The following BFAR variants were observed in gnomAD, a reference collection of about 807,000 sequenced individuals.
The protein encoded by BFAR is bifunctional apoptosis regulator.
A neutral mutation model predicts 54.4 loss-of-function variants in BFAR; 52 were observed. The observed-to-expected ratio is 0.96, with a 90% CI of 0.77 to 1.21. The LOEUF is 1.21. Ranked by LOEUF, BFAR falls within the 50% of genes most tolerant of loss-of-function variation. The probability of loss-of-function intolerance (pLI) is 0.00; values close to 1 mark genes in which losing one functional copy is unlikely to be tolerated. For synonymous variants in BFAR, 215 were observed against 204.3 expected (o/e 1.05, Z -0.45); for missense variants, 571 against 534.0 (o/e 1.07, Z -0.68).
chr16:14,645,903 C>G (rs1959779884), intron 2 of BFAR, among the ~76,000 whole-genome samples: 1 of 152,134 alleles, frequency 6.6e-6, no homozygotes, highest in Non-Finnish European at 1.5e-5. Context: ...AAGTCTCACT[C>G]TGTCGCTCAG....
chr16:14,642,100 C>A (rs1362797943), intron 1 of BFAR, among the ~76,000 whole-genome samples: 1 of 152,188 alleles, frequency 6.6e-6, no homozygotes, highest in East Asian at 1.9e-4. Context: ...GTGTTCCTAA[C>A]CACTGTGCCT....
At position 14,652,904 on chromosome 16, in the gene BFAR, C is replaced by A. The variant is rs572084266; in HGVS notation, c.639-2162C>A. ...TTCAGACACCCACTTCACCCACTGCCTGGCTGCCTGACTGCCACCCCTCCT... is the reference window on the plus strand; with the variant it reads ...TTCAGACACCCACTTCACCCACTGCATGGCTGCCTGACTGCCACCCCTCCT... On this transcript the variant is annotated intron_variant, in intron 4 of 7. Coordinates refer to ENST00000261658, the MANE Select transcript of BFAR (RefSeq NM_016561.3). Among the ~76,000 whole-genome samples the A allele has an allele frequency of 2.5e-4, 38 of 152,288 alleles. 1 individual carries two copies. The South Asian group carries it at 6.0e-3, about 24-fold the overall frequency.
At chr16:14,643,252 G>A (rs145431025) in intron 1 of BFAR, among the ~76,000 whole-genome samples, 31 of 152,048 alleles carry the variant, frequency 2.0e-4, no homozygotes, top group Admixed American at 7.2e-4. Flanking sequence ...AGAGGTTGAC[G>A]TGAGCCAAGA....
chr16:14,665,915 A>C (rs575941710), intron 7 of BFAR, among the ~76,000 whole-genome samples: 23 of 152,258 alleles, frequency 1.5e-4, no homozygotes, highest in South Asian at 6.2e-4. Context: ...TCTGTAACCA[A>C]CTAGGATAAT....
At chr16:14,638,612 TAAC>T (rs951004809) in intron 1 of BFAR, among the ~76,000 whole-genome samples, 13 of 152,318 alleles carry the variant, frequency 8.5e-5, no homozygotes, top group Non-Finnish European at 1.5e-4. Context: ...TCTAAAGAGT[TAAC>T]AATCATTACA....
At chr16:14,648,114 G>A (rs1036216199) in intron 2 of BFAR, among the ~76,000 whole-genome samples, 2 of 151,822 alleles carry the variant, frequency 1.3e-5, no homozygotes, top group African/African-American at 4.8e-5. Flanking sequence ...GTATGGTGGT[G>A]TGCACCGGTG....
At chr16:14,665,567 A>G (rs564997929) in intron 7 of BFAR, among the ~76,000 whole-genome samples, 34 of 152,288 alleles carry the variant, frequency 2.2e-4, no homozygotes, top group Non-Finnish European at 4.4e-4. Flanking sequence ...CCCCAGACTC[A>G]GGGCTTGTAT....
intron 6 of BFAR, 66 bp downstream of exon 6, chr16:14,662,131 C>A (rs1435143466): frequency 3.8e-6 from 6 of 1,562,226 alleles, no homozygotes; most frequent in Non-Finnish European, 5.3e-6. Context: ...GATTGCTACC[C>A]ACCATGGGTG....
intron 5 of BFAR, among the ~76,000 whole-genome samples, chr16:14,660,128 C>T (rs1302996824): frequency 6.6e-6 from 1 of 152,138 alleles, no homozygotes; most frequent in Non-Finnish European, 1.5e-5. Flanking sequence ...CCCTCCCAGC[C>T]CTCCCAATTC....
At chr16:14,640,394 C>T (rs1959584742) in intron 1 of BFAR, among the ~76,000 whole-genome samples, 1 of 152,056 alleles carries the variant, frequency 6.6e-6, no homozygotes, top group Non-Finnish European at 1.5e-5. Flanking sequence ...CTGCTGAGTT[C>T]CTCTGCTCGA....
chr16:14,653,906 GC>G (rs543731857), intron 4 of BFAR, among the ~76,000 whole-genome samples: 131 of 151,892 alleles, frequency 8.6e-4, no homozygotes, highest in Non-Finnish European at 1.3e-3. Context: ...TCACTGTGTT[GC>G]CCAGGCTGGT....
intron 1 of BFAR, among the ~76,000 whole-genome samples, chr16:14,639,314 T>C (rs1273836370): frequency 7.0e-6 from 1 of 143,096 alleles, no homozygotes; most frequent in Admixed American, 7.0e-5. Context: ...AAATAAGTTC[T>C]TTTTTTTTTT....
intron 1 of BFAR, among the ~76,000 whole-genome samples, chr16:14,638,307 C>T (rs989852903): frequency 1.3e-5 from 2 of 152,212 alleles, no homozygotes. Context: ...CACTGGAGCC[C>T]GAAAGTTCAA....
intron 1 of BFAR, among the ~76,000 whole-genome samples, chr16:14,634,345 C>T (rs1419668103): frequency 2.6e-5 from 4 of 152,210 alleles, no homozygotes; most frequent in Non-Finnish European, 5.9e-5. Context: ...TCCCTATATC[C>T]ATAAACTTGA....
chr16:14,661,156 T>C (rs954295983), intron 5 of BFAR, among the ~76,000 whole-genome samples: 2 of 152,226 alleles, frequency 1.3e-5, no homozygotes, highest in African/African-American at 4.8e-5. Context: ...GCTGTAACTG[T>C]AGATTTCACT....
At position 14,667,968 on chromosome 16, in the gene BFAR, C is replaced by T; in HGVS notation, c.*141C>T. The T allele has an allele frequency of 2.3e-6, 2 of 852,282 alleles. No homozygotes were observed. The highest frequency in any genetic ancestry group is 2.6e-5 in the East Asian group (1 of 39,112). The allele number at this position is 852,282 out of a possible 1,614,324, so 52.8% of individuals were successfully genotyped here. On this transcript the variant is annotated 3_prime_UTR_variant, in exon 8 of 8. Coordinates refer to ENST00000261658, the MANE Select transcript of BFAR (RefSeq NM_016561.3). ...CTGCTTTGTATATCAAAAGCTCCAA[C>T]CATGTCCTCTCCCCCTCAGCCTGTG...
At chr16:14,663,920 A>G (rs1479935585) in intron 6 of BFAR, among the ~76,000 whole-genome samples, 1 of 151,786 alleles carries the variant, frequency 6.6e-6, no homozygotes, top group Non-Finnish European at 1.5e-5. Flanking sequence ...ATTTCATTTC[A>G]ACCTTTTTGC....
At chr16:14,649,015 C>T (rs993193693) in intron 3 of BFAR, among the ~76,000 whole-genome samples, 5 of 151,082 alleles carry the variant, frequency 3.3e-5, no homozygotes, top group African/African-American at 9.7e-5. Flanking sequence ...CATTAAAAAC[C>T]GTGGATTGTG....
intron 4 of BFAR, among the ~76,000 whole-genome samples, chr16:14,650,930 G>A (rs1178775417): frequency 4.6e-5 from 7 of 152,140 alleles, no homozygotes; most frequent in African/African-American, 1.7e-4. Flanking sequence ...CAGCTACACC[G>A]TTTAATGTCC....
Sources: allele counts gnomAD v4.1 joint callset (sites outside exome capture counted in the v4.1 genomes callset), GRCh38; gene constraint gnomAD v4.1.1; transcripts MANE v1.5; gene names NCBI Gene and HGNC (gene_info 2026-07-23, HGNC 2026-07-21).